TRAPPC9: variants seen among roughly 807,000 people sequenced by gnomAD.
TRAPPC9 encodes trafficking protein particle complex subunit 9.
Under a neutral mutation model 124.0 loss-of-function variants are expected in TRAPPC9, and 83 were observed. The observed-to-expected ratio is 0.67, with a 90% CI of 0.56 to 0.80. The LOEUF is 0.80. TRAPPC9 is among the 30% of genes least tolerant of loss of function. The probability of loss-of-function intolerance (pLI) is 0.00; values close to 1 mark genes in which losing one functional copy is unlikely to be tolerated. For missense variants in TRAPPC9, 1,302 were observed against 1,508.3 expected, an observed-to-expected ratio of 0.86 and a Z score of 2.27; for synonymous variants, 638 against 617.5, an observed-to-expected ratio of 1.03 and a Z score of -0.49.
intron 3 of TRAPPC9, among the ~76,000 whole-genome samples, chr8:140,437,330 A>G (rs569150869): frequency 2.1e-4 from 32 of 150,918 alleles, no homozygotes; most frequent in African/African-American, 7.5e-4. Flanking sequence ...CGTTTGAAGT[A>G]TTTCTTATAT....
At chr8:139,762,815 C>T (rs565532355) in intron 21 of TRAPPC9, among the ~76,000 whole-genome samples, 1 of 152,188 alleles carries the variant, frequency 6.6e-6, no homozygotes, top group African/African-American at 2.4e-5. Flanking sequence ...AGCTGCGGGA[C>T]CTTCAGCCTC....
chr8:140,124,516 A>G (rs1012442809), intron 17 of TRAPPC9, among the ~76,000 whole-genome samples: 1 of 152,234 alleles, frequency 6.6e-6, no homozygotes, highest in Non-Finnish European at 1.5e-5. Flanking sequence ...TCACATGTAC[A>G]CAAGGTCTGA....
chr8:140,076,534 G>A (rs188221770), intron 17 of TRAPPC9, among the ~76,000 whole-genome samples: 6 of 152,356 alleles, frequency 3.9e-5, no homozygotes, highest in East Asian at 3.9e-4. Flanking sequence ...CCGAGCCAAC[G>A]TGTGTCCATC....
chr8:140,217,607 ATG>A (rs34400426), intron 17 of TRAPPC9, among the ~76,000 whole-genome samples: 58,762 of 152,002 alleles, frequency 0.39, 14,287 homozygotes, highest in Non-Finnish European at 0.55. Flanking sequence ...TTACAGACAC[ATG>A]TAAACACCTG....
chr8:139,842,327 C>G (rs561866076), intron 21 of TRAPPC9, among the ~76,000 whole-genome samples: 8 of 152,228 alleles, frequency 5.3e-5, no homozygotes, highest in African/African-American at 1.9e-4. Context: ...TGGAAACTTG[C>G]TCTAGAATTT....
At chr8:139,968,218 T>G (rs1322282374) in intron 19 of TRAPPC9, among the ~76,000 whole-genome samples, 1 of 152,076 alleles carries the variant, frequency 6.6e-6, no homozygotes, top group Non-Finnish European at 1.5e-5. Context: ...GGTGCTTCTG[T>G]GTGCTCTTTC....
At position 139,907,961 on chromosome 8, in the gene TRAPPC9, GGAAGACAGGATAATGAAACC is replaced by G. The variant is rs1410848644; in HGVS notation, c.2964+2166_2964+2185del. Among the ~76,000 whole-genome samples, 1 of 152,172 alleles carries G rather than the reference GGAAGACAGGATAATGAAACC, an allele frequency of 6.6e-6. No individual in the cohort carries two copies. The highest frequency in any genetic ancestry group is 1.5e-5 in the Non-Finnish European group (1 of 68,028). ...AGTCACAGTTTTCATCTGCAAGACG[GGAAGACAGGATAATGAAACC>G]GCCCCAGGAGTCAGGTTGCCGACAA... is the stretch of plus-strand genomic sequence containing the variant. On this transcript the variant is annotated intron_variant, in intron 20 of 22. Coordinates refer to ENST00000438773, the MANE Select transcript of TRAPPC9 (RefSeq NM_001160372.4). The surrounding 1 kb of genome is among the most constrained non-coding windows in gnomAD (Gnocchi z 4.7).
In TRAPPC9 at chr8:140,272,383, GATGGTGATGGTGGCGATGGTGATA is replaced by G. The variant is rs918837049; in HGVS notation, c.2278+3251_2278+3274del. Among the ~76,000 whole-genome samples, 15 of 114,008 alleles carry G rather than the reference GATGGTGATGGTGGCGATGGTGATA, an allele frequency of 1.3e-4. No individual in the cohort carries two copies. In the South Asian group the frequency reaches 1.8e-3, roughly 14 times the overall value. The allele number at this position is 114,008 out of a possible 152,430, so 74.8% of individuals were successfully genotyped here. A position where few individuals can be genotyped will look rare whatever the true frequency, so the allele number is the denominator to read the frequency against. ...TGGTGGTAGTGAGGGTGGTGGTGAT[GATGGTGATGGTGGCGATGGTGATA>G]ATGGTGATGGTGATGGTGGTGATGG... On this transcript the variant is annotated intron_variant, in intron 15 of 22. Transcript: ENST00000438773.
chr8:139,921,825 G>T (rs1039282303), intron 19 of TRAPPC9, among the ~76,000 whole-genome samples: 1 of 148,922 alleles, frequency 6.7e-6, no homozygotes, highest in South Asian at 2.2e-4. Flanking sequence ...CCCTGCTGCC[G>T]CATCCGAGAG....
At chr8:140,380,654 CAAAAAAAAAAAA>C (rs563391017) in intron 7 of TRAPPC9, among the ~76,000 whole-genome samples, 8 of 48,588 alleles carry the variant, frequency 1.6e-4, no homozygotes, top group African/African-American at 3.0e-4. Context: ...GACTCTGTCT[CAAAAAAAAAAAA>C]AAAAAAAAAA....
intron 21 of TRAPPC9, among the ~76,000 whole-genome samples, chr8:139,794,650 C>T (rs987938660): frequency 6.6e-6 from 1 of 152,192 alleles, no homozygotes; most frequent in Non-Finnish European, 1.5e-5. Flanking sequence ...TCTTGGCTCC[C>T]GTTCCTGGCA....
intron 21 of TRAPPC9, among the ~76,000 whole-genome samples, chr8:139,847,957 C>T (rs1191700230): frequency 6.6e-6 from 1 of 152,264 alleles, no homozygotes; most frequent in Admixed American, 6.5e-5. Flanking sequence ...CCTGTGTCAG[C>T]AGCAGCCCTG....
chr8:139,855,639 C>A (rs954100617), intron 21 of TRAPPC9, among the ~76,000 whole-genome samples: 3 of 152,158 alleles, frequency 2.0e-5, no homozygotes, highest in Non-Finnish European at 4.4e-5. Context: ...GAGTCTTATG[C>A]GGTCAGCCCA....
chr8:139,888,667 C>T (rs191747182), intron 20 of TRAPPC9, among the ~76,000 whole-genome samples: 1 of 152,366 alleles, frequency 6.6e-6, no homozygotes, highest in East Asian at 1.9e-4. Flanking sequence ...AATTCCCTCC[C>T]TTAGAAGAAT....
chr8:139,844,538 G>T (rs1586970537), intron 21 of TRAPPC9, among the ~76,000 whole-genome samples: 2 of 152,368 alleles, frequency 1.3e-5, no homozygotes, highest in Middle Eastern at 6.8e-3. Context: ...CGGGCAGTGG[G>T]TGAGGACTGC....
intron 17 of TRAPPC9, among the ~76,000 whole-genome samples, chr8:140,069,438 G>T (rs1843032023): frequency 6.6e-6 from 1 of 152,172 alleles, no homozygotes; most frequent in African/African-American, 2.4e-5. Flanking sequence ...TAAGTGCTCA[G>T]CACAGAGGTC....
chr8:140,393,569 G>A (rs908910984), intron 7 of TRAPPC9, among the ~76,000 whole-genome samples: 12 of 152,058 alleles, frequency 7.9e-5, no homozygotes, highest in African/African-American at 2.2e-4. Context: ...AGTGAATTCC[G>A]TAAAACGAAA....
At chr8:140,214,623 AT>A in intron 17 of TRAPPC9, among the ~76,000 whole-genome samples, 1 of 152,300 alleles carries the variant, frequency 6.6e-6, no homozygotes, top group South Asian at 2.1e-4. Context: ...TTGTCGTTCA[AT>A]TTTACAGAGG....
intron 19 of TRAPPC9, among the ~76,000 whole-genome samples, chr8:139,958,746 G>C (rs1424817854): frequency 1.3e-5 from 2 of 152,190 alleles, no homozygotes; most frequent in East Asian, 3.8e-4. Context: ...GGCAGGACAG[G>C]GTGTGCAGTC....
Sources: gnomAD v4.1 joint callset for allele counts (sites outside exome capture counted in the v4.1 genomes callset) on GRCh38, gnomAD v4.1.1 for gene constraint, Gnocchi (gnomAD v3.1) non-coding constraint, MANE v1.5 for transcripts, NCBI Gene and HGNC (gene_info 2026-07-23, HGNC 2026-07-21) for gene names.